The following KCNH7 variants were observed in gnomAD, a reference collection of about 807,000 sequenced individuals.
KCNH7 encodes the protein potassium voltage-gated channel subfamily H member 7.
Under a neutral mutation model 120.8 loss-of-function variants are expected in KCNH7, and 49 were observed. The observed-to-expected ratio is 0.41, with a 90% CI of 0.32 to 0.51. The LOEUF is 0.51. Among genes scored for constraint, KCNH7 ranks in the 20% least tolerant of loss-of-function variants. The pLI is 0.38. For synonymous variants in KCNH7, 547 were observed against 516.1 expected (o/e 1.06, Z -0.81); for missense variants, 1,097 against 1,446.6 (o/e 0.76, Z 3.92).
chr2:162,515,067 T>G (rs1251573902), intron 4 of KCNH7, among the ~76,000 whole-genome samples: 1 of 151,772 alleles, frequency 6.6e-6, no homozygotes, highest in Non-Finnish European at 1.5e-5. Flanking sequence ...TATAAAGTCT[T>G]AGGGAATGTA....
intron 2 of KCNH7, among the ~76,000 whole-genome samples, chr2:162,555,799 C>T (rs1232593430): frequency 1.3e-5 from 2 of 151,940 alleles, no homozygotes; most frequent in Non-Finnish European, 2.9e-5. Context: ...AATCAGTAAA[C>T]TACTTGTCAT....
At chr2:162,752,989 A>AAAAGAAAAG (rs1440489044) in intron 2 of KCNH7, among the ~76,000 whole-genome samples, 2 of 134,464 alleles carry the variant, frequency 1.5e-5, no homozygotes, top group African/African-American at 6.4e-5. Flanking sequence ...AAAAGAAAAG[A>AAAAGAAAAG]AAAGAAAAGA....
rs572167928 is a variant in KCNH7, at chr2:162,505,721, T to A, written c.914-1064A>T. 1.3e-5 allele frequency among the ~76,000 whole-genome samples: 2 copies of A among 152,094 alleles called. 1 individual carries two copies. Among genetic ancestry groups the A allele is most frequent in the South Asian group, 4.1e-4 (2 of 4,828 alleles). On this transcript the variant is annotated intron_variant, in intron 5 of 15. Transcript: ENST00000332142. The stretch of plus-strand genomic sequence containing the variant: ...AAAAATCGTGAGCTCCCTATTTTTG[T>A]GCCCCAGGAAGTGGTTAAAACATAC...
At chr2:162,731,288 T>C (rs1687721433) in intron 2 of KCNH7, among the ~76,000 whole-genome samples, 1 of 149,188 alleles carries the variant, frequency 6.7e-6, no homozygotes, top group Admixed American at 6.7e-5. Flanking sequence ...TTAGTAAAAT[T>C]TATAGCACAG....
At chr2:162,721,666 C>G (rs1460607327) in intron 2 of KCNH7, among the ~76,000 whole-genome samples, 1 of 152,046 alleles carries the variant, frequency 6.6e-6, no homozygotes, top group Non-Finnish European at 1.5e-5. Context: ...AATTAGTATG[C>G]TTTCATTATT....
At chr2:162,597,392 A>G (rs1416403781) in intron 2 of KCNH7, among the ~76,000 whole-genome samples, 3 of 152,108 alleles carry the variant, frequency 2.0e-5, no homozygotes, top group Non-Finnish European at 4.4e-5. Context: ...TTGTGACAAC[A>G]TGGATGAACT....
At chr2:162,589,373 C>T (rs1464462353) in intron 2 of KCNH7, among the ~76,000 whole-genome samples, 3 of 151,912 alleles carry the variant, frequency 2.0e-5, no homozygotes, top group Non-Finnish European at 2.9e-5. Context: ...GATGCATTGC[C>T]ATGATCCTAG....
At chr2:162,405,154 T>G (rs1687172579) in intron 9 of KCNH7, among the ~76,000 whole-genome samples, 1 of 152,018 alleles carries the variant, frequency 6.6e-6, no homozygotes, top group African/African-American at 2.4e-5. Flanking sequence ...ATCTTTATTT[T>G]GATATAAGGT....
At chr2:162,782,633 G>T (rs942699620) in intron 2 of KCNH7, among the ~76,000 whole-genome samples, 1 of 152,126 alleles carries the variant, frequency 6.6e-6, no homozygotes, top group Non-Finnish European at 1.5e-5. Flanking sequence ...TAATAATGAG[G>T]ATAGAAACAG....
intron 2 of KCNH7, among the ~76,000 whole-genome samples, chr2:162,730,709 T>A (rs1316706371): frequency 1.3e-5 from 2 of 152,038 alleles, no homozygotes; most frequent in Admixed American, 6.5e-5. Context: ...AGAAACTCAC[T>A]GATTCACCTA....
intron 2 of KCNH7, among the ~76,000 whole-genome samples, chr2:162,779,431 C>T (rs900973783): frequency 6.6e-6 from 1 of 152,074 alleles, no homozygotes; most frequent in Non-Finnish European, 1.5e-5. Flanking sequence ...GATCTCTTGA[C>T]CTCATGATCC....
intron 14 of KCNH7, among the ~76,000 whole-genome samples, chr2:162,376,520 A>T (rs772756986): frequency 6.6e-6 from 1 of 150,924 alleles, no homozygotes; most frequent in Non-Finnish European, 1.5e-5. Context: ...GCCCGCCACC[A>T]CTCCCAGCTA....
intron 2 of KCNH7, among the ~76,000 whole-genome samples, chr2:162,834,016 G>A (rs1342473094): frequency 6.6e-6 from 1 of 152,034 alleles, no homozygotes; most frequent in Non-Finnish European, 1.5e-5. Flanking sequence ...AAAAGTCAAT[G>A]GCATCAATAA....
At chr2:162,742,853 T>C (rs556195364) in intron 2 of KCNH7, among the ~76,000 whole-genome samples, 1 of 152,236 alleles carries the variant, frequency 6.6e-6, no homozygotes, top group East Asian at 1.9e-4. Context: ...ATTCAGGTAG[T>C]GGAAGGATTT....
rs1016412291 is a variant in KCNH7, at chr2:162,838,314, G to C, written c.76+129C>G. 5.3e-5 allele frequency: 36 copies of C among 683,684 alleles called. No homozygotes were observed. In the East Asian group the frequency reaches 7.4e-4, roughly 14 times the overall value. The allele number at this position is 683,684 out of a possible 1,614,324, so 42.4% of individuals were successfully genotyped here. A position where few individuals can be genotyped will look rare whatever the true frequency, so the allele number is the denominator to read the frequency against. ...CTCCCGCTGCCATTCGAACCTCCTG[G>C]CTCGGTTTCACAGCCTCTTAAGTTG... On this transcript the variant is annotated intron_variant, in intron 1 of 15. Coordinates refer to ENST00000332142, the MANE Select transcript of KCNH7 (RefSeq NM_033272.4).
At position 162,446,324 on chromosome 2, in the gene KCNH7, C is replaced by T; in HGVS notation, c.1248G>A (p.Leu416=). 1.9e-6 allele frequency: 3 copies of T among 1,613,896 alleles called. No homozygotes were observed. Among genetic ancestry groups the T allele is most frequent in the Non-Finnish European group, 2.5e-6 (3 of 1,179,848 alleles). The change falls in exon 7 of 16, where the codon CTG becomes CTA. Residue 416 remains leucine, a synonymous_variant. Coordinates refer to ENST00000332142, the MANE Select transcript of KCNH7 (RefSeq NM_033272.4). ...FKAVWDWLIL[L]LVIYTAIFTP... ...TAAATATAGCAGTGTATATGACCAACAGCAGGATAAGCCAGTCCCAGACTG... is the reference window on the plus strand; with the variant it reads ...TAAATATAGCAGTGTATATGACCAATAGCAGGATAAGCCAGTCCCAGACTG...
chr2:162,710,727 C>G (rs1408538948), intron 2 of KCNH7, among the ~76,000 whole-genome samples: 1 of 152,138 alleles, frequency 6.6e-6, no homozygotes, highest in Non-Finnish European at 1.5e-5. Context: ...CCAGAGCTGC[C>G]TGCTAGCAGC....
intron 2 of KCNH7, among the ~76,000 whole-genome samples, chr2:162,650,765 G>A (rs1274442536): frequency 6.6e-6 from 1 of 152,140 alleles, no homozygotes; most frequent in Admixed American, 6.6e-5. Context: ...ACCAGAGCAA[G>A]GGTTGTGTAT....
chr2:162,742,338 C>T (rs927415332), intron 2 of KCNH7, among the ~76,000 whole-genome samples: 9 of 152,078 alleles, frequency 5.9e-5, no homozygotes, highest in Admixed American at 1.3e-4. Flanking sequence ...CTTCCCCTCA[C>T]TTCCTTTCTT....
Sources: allele counts gnomAD v4.1 joint callset (sites outside exome capture counted in the v4.1 genomes callset), GRCh38; gene constraint gnomAD v4.1.1; transcripts MANE v1.5; gene names NCBI Gene and HGNC (gene_info 2026-07-23, HGNC 2026-07-21).